ZDHHC20: variants seen among roughly 807,000 people sequenced by gnomAD.
ZDHHC20 encodes zDHHC palmitoyltransferase 20.
In ZDHHC20, 43 loss-of-function variants were observed where a neutral mutation model predicts 57.8. That is an observed-to-expected ratio of 0.74 (90% CI 0.58 to 0.96). ZDHHC20 has a LOEUF of 0.96. ZDHHC20 is among the 40% of genes least tolerant of loss of function. The pLI, the probability that ZDHHC20 is intolerant of heterozygous loss-of-function variation, is 0.00. For synonymous variants in ZDHHC20, 157 were observed against 153.0 expected, an observed-to-expected ratio of 1.03 and a Z score of -0.19; for missense variants, 391 against 441.1, an observed-to-expected ratio of 0.89 and a Z score of 1.02.
At chr13:21,425,704 TA>T (rs1167039722) in intron 1 of ZDHHC20, 26 bp from the exon 2 acceptor site, 14 of 1,098,098 alleles carry the variant, frequency 1.3e-5, no homozygotes, top group Middle Eastern at 2.2e-4. Context: ...AAATAGTGAA[TA>T]AATATACTTT....
intron 1 of ZDHHC20, among the ~76,000 whole-genome samples, chr13:21,441,743 A>G (rs935632772): frequency 2.6e-5 from 4 of 151,860 alleles, no homozygotes; most frequent in Non-Finnish European, 5.9e-5. Context: ...GTATATATAA[A>G]AAGTATTGGG....
At chr13:21,377,493 GAC>G (rs1872382422) in intron 12 of ZDHHC20, among the ~76,000 whole-genome samples, 1 of 61,686 alleles carries the variant, frequency 1.6e-5, no homozygotes, top group African/African-American at 7.6e-5. Flanking sequence ...GACTCTGCCC[GAC>G]GTGACCTCCA....
At chr13:21,407,291 G>C (rs1363376545) in intron 4 of ZDHHC20, among the ~76,000 whole-genome samples, 1 of 152,064 alleles carries the variant, frequency 6.6e-6, no homozygotes, top group Non-Finnish European at 1.5e-5. Flanking sequence ...ACCACACCCA[G>C]TTTCTTTCCT....
At chr13:21,429,772 G>A (rs1312821123) in intron 1 of ZDHHC20, among the ~76,000 whole-genome samples, 1 of 152,052 alleles carries the variant, frequency 6.6e-6, no homozygotes, top group African/African-American at 2.4e-5. Flanking sequence ...CTGATGATTT[G>A]TTCATTTTTA....
At chr13:21,446,734 T>C (rs1883743319) in intron 1 of ZDHHC20, among the ~76,000 whole-genome samples, 1 of 152,228 alleles carries the variant, frequency 6.6e-6, no homozygotes. Context: ...CTAAATGTGT[T>C]GCTTATATGC....
rs9509676 is a variant in ZDHHC20 at position 21,387,357 on chromosome 13, T to C, written c.854+151A>G. 1.5e-3 allele frequency: 773 copies of C among 506,740 alleles called. 2 individuals are homozygous for C. Among genetic ancestry groups the C allele is most frequent in the Non-Finnish European group, 1.3e-3 (422 of 333,518 alleles). The allele number at this position is 506,740 out of a possible 1,614,324, so 31.4% of individuals were successfully genotyped here. On this transcript the variant is annotated intron_variant, in intron 9 of 12. Coordinates refer to ENST00000400590, the MANE Select transcript of ZDHHC20 (RefSeq NM_001330059.2). ...ATTAAAAAATGAAAAATAAAATATT[T>C]TATGTATAAAAAAAGATATTTTGAG... is the stretch of plus-strand genomic sequence containing the variant.
At chr13:21,417,818 ATCC>A (rs1216095600) in intron 3 of ZDHHC20, among the ~76,000 whole-genome samples, 2 of 152,122 alleles carry the variant, frequency 1.3e-5, no homozygotes, top group East Asian at 1.9e-4. Flanking sequence ...AGCTGACTGA[ATCC>A]TCCTAATAAA....
rs1445423054 is a variant in ZDHHC20, at chr13:21,374,422, A to T, written c.*2274T>A. Reference sequence around the variant, plus strand: ...GGGTTTTTTTGTATTTTTAGTGGAGACAGGGTTTTGCCATTTTGACCAGGC... The same window carrying T: ...GGGTTTTTTTGTATTTTTAGTGGAGTCAGGGTTTTGCCATTTTGACCAGGC... On this transcript the variant is annotated 3_prime_UTR_variant, in exon 13 of 13. Coordinates refer to ENST00000400590, the MANE Select transcript of ZDHHC20 (RefSeq NM_001330059.2). The T allele has an allele frequency of 2.2e-6, 1 of 455,716 alleles. No homozygotes were observed. Among genetic ancestry groups the T allele is most frequent in the Non-Finnish European group, 4.4e-6 (1 of 226,712 alleles). The allele number at this position is 455,716 out of a possible 1,614,324, so 28.2% of individuals were successfully genotyped here.
At chr13:21,392,814 T>TCTTC (rs775840948) in intron 7 of ZDHHC20, among the ~76,000 whole-genome samples, 6 of 152,236 alleles carry the variant, frequency 3.9e-5, no homozygotes, top group Admixed American at 6.5e-5. Flanking sequence ...TTTTCTCTTT[T>TCTTC]CTTCCAGAGT....
At chr13:21,451,177 T>C (rs899243324) in intron 1 of ZDHHC20, among the ~76,000 whole-genome samples, 1 of 152,210 alleles carries the variant, frequency 6.6e-6, no homozygotes, top group African/African-American at 2.4e-5. Context: ...AAAGAATCAC[T>C]GTTTCATAAC....
At chr13:21,382,675 T>TTAACTATTAA (rs1204293341) in intron 10 of ZDHHC20, among the ~76,000 whole-genome samples, 2 of 152,196 alleles carry the variant, frequency 1.3e-5, no homozygotes, top group Non-Finnish European at 2.9e-5. Flanking sequence ...TTATCCTGGT[T>TTAACTATTAA]TAACTATTAA....
chr13:21,413,799 T>C (rs928382032), intron 3 of ZDHHC20, 27 bp from the exon 4 acceptor site: 1 of 1,574,970 alleles, frequency 6.3e-7, no homozygotes, highest in Non-Finnish European at 8.6e-7. Context: ...GACTATTAAA[T>C]TTTTTTAATC....
chr13:21,387,904 C>T (rs1191891814), intron 8 of ZDHHC20, among the ~76,000 whole-genome samples: 3 of 151,816 alleles, frequency 2.0e-5, no homozygotes, highest in Non-Finnish European at 2.9e-5. Flanking sequence ...TGCTCAGTAT[C>T]TCTTGGCTTT....
At chr13:21,457,506 A>T (rs906531430) in intron 1 of ZDHHC20, among the ~76,000 whole-genome samples, 7 of 152,206 alleles carry the variant, frequency 4.6e-5, no homozygotes, top group African/African-American at 1.7e-4. Context: ...CATCATTTTT[A>T]GTAAACATTC....
chr13:21,400,110 A>G (rs958950547), intron 7 of ZDHHC20, among the ~76,000 whole-genome samples: 2 of 134,846 alleles, frequency 1.5e-5, no homozygotes, highest in African/African-American at 7.7e-5. Context: ...CCTAAAATGA[A>G]TATGTCTTTG....
intron 11 of ZDHHC20, 150 bp from the exon 12 acceptor site, chr13:21,378,888 C>A (rs995861238): frequency 2.6e-5 from 11 of 419,390 alleles, no homozygotes; most frequent in Non-Finnish European, 4.5e-5. Context: ...TCTTATAGAA[C>A]CTAGAAGTAA....
At chr13:21,402,517 C>T (rs1877833756) in intron 5 of ZDHHC20, among the ~76,000 whole-genome samples, 2 of 152,164 alleles carry the variant, frequency 1.3e-5, no homozygotes, top group African/African-American at 4.8e-5. Context: ...ATATTATCTC[C>T]TTACATGTAC....
chr13:21,431,308 T>C (rs986065511), intron 1 of ZDHHC20, among the ~76,000 whole-genome samples: 1 of 152,064 alleles, frequency 6.6e-6, no homozygotes, highest in Non-Finnish European at 1.5e-5. Flanking sequence ...GATAAAACCA[T>C]CAGATCTCTC....
rs137987077 is a variant in ZDHHC20, at chr13:21,452,650, C to T, written c.118+6404G>A. Among the ~76,000 whole-genome samples, 1,064 of 152,142 alleles carry T rather than the reference C, an allele frequency of 7.0e-3. 16 individuals are homozygous for T. Among genetic ancestry groups the T allele is most frequent in the African/African-American group, 0.024 (978 of 41,508 alleles). On this transcript the variant is annotated intron_variant, in intron 1 of 12. Coordinates refer to ENST00000400590, the MANE Select transcript of ZDHHC20 (RefSeq NM_001330059.2). Reference sequence around the variant, plus strand: ...TAGCAATACAGTGTGAGGTTTACAACATATAAAATGCACCATAATAGCATA... The same window carrying T: ...TAGCAATACAGTGTGAGGTTTACAATATATAAAATGCACCATAATAGCATA...
Sources: allele counts gnomAD v4.1 joint callset (sites outside exome capture counted in the v4.1 genomes callset), GRCh38; gene constraint gnomAD v4.1.1; transcripts MANE v1.5; gene names NCBI Gene and HGNC (gene_info 2026-07-23, HGNC 2026-07-21).